The following KPNA3 variants were observed in gnomAD, a reference collection of about 807,000 sequenced individuals.
KPNA3 encodes the protein karyopherin subunit alpha 3.
A neutral mutation model predicts 73.8 loss-of-function variants in KPNA3; 13 were observed. The observed-to-expected ratio is 0.18, with a 90% CI of 0.11 to 0.28. The LOEUF (loss-of-function observed/expected upper bound fraction) is 0.28, where lower values mean the gene tolerates loss of function less well. Ranked by LOEUF, KPNA3 falls within the 10% of genes least tolerant of loss-of-function variation. KPNA3 has a pLI of 1.00. For synonymous variants in KPNA3, 186 were observed against 206.9 expected (o/e 0.90, Z 0.87); for missense variants, 360 against 618.1 (o/e 0.58, Z 4.43).
Position 49,732,376 on chromosome 13 carries a change from A to T in KPNA3, c.378T>A (p.Asp126Glu), listed in dbSNP as rs750807231. 2.8e-5 allele frequency: 42 copies of T among 1,518,884 alleles called. No individual in the cohort carries two copies. Among genetic ancestry groups the T allele is most frequent in the Non-Finnish European group, 3.7e-5 (41 of 1,106,852 alleles). 94.1% of individuals were successfully genotyped at this position (1,518,884 alleles called of 1,614,324 possible). The part of the protein sequence containing the change: ...LPILVKCLER[D>E]DNPSLQFEAA... ...GGAGTAAAATCCATACTTACTTATC[A>T]TCCCTTTCTAGACATTTGACTAGAA... is the stretch of plus-strand genomic sequence containing the variant. The change falls in exon 6 of 17, where the codon GAT (aspartate) becomes GAA (glutamate). Residue 126 changes from aspartate to glutamate, a missense_variant. Physicochemically the swap from Asp to Glu is conservative, Grantham distance 45. Around this residue, in one of 3 missense-constraint regions of KPNA3, gnomAD observed 287 missense variants for 549.1 expected, o/e 0.52. Transcript: ENST00000261667.
At chr13:49,771,780 A>G (rs1954858115) in intron 1 of KPNA3, among the ~76,000 whole-genome samples, 1 of 152,160 alleles carries the variant, frequency 6.6e-6, no homozygotes, top group African/African-American at 2.4e-5. Flanking sequence ...TAGCCTCTAG[A>G]GTAGCTGGGA....
intron 1 of KPNA3, among the ~76,000 whole-genome samples, chr13:49,764,164 C>CTCTT (rs10689203): frequency 0.84 from 127,287 of 150,660 alleles, 54,003 homozygotes; most frequent in East Asian, 1. Context: ...CAGAATCTCG[C>CTCTT]TCTGTTTTTG....
At chr13:49,756,231 G>A (rs1165686662) in intron 1 of KPNA3, among the ~76,000 whole-genome samples, 2 of 152,180 alleles carry the variant, frequency 1.3e-5, no homozygotes, top group South Asian at 4.1e-4. Flanking sequence ...TGGAGACTGT[G>A]CCACTGCACT....
chr13:49,780,719 CTTTTTTTT>C (rs11352434), intron 1 of KPNA3, among the ~76,000 whole-genome samples: 2 of 130,472 alleles, frequency 1.5e-5, no homozygotes, highest in Non-Finnish European at 1.6e-5. Flanking sequence ...AAAAATATTT[CTTTTTTTT>C]TTTTTTTTTT....
intron 1 of KPNA3, among the ~76,000 whole-genome samples, chr13:49,790,165 G>A (rs928466005): frequency 1.4e-4 from 22 of 152,202 alleles, no homozygotes; most frequent in African/African-American, 5.1e-4. Flanking sequence ...AGCACACTGA[G>A]GTTTTTTATC....
At chr13:49,782,321 T>C (rs2137604790) in intron 1 of KPNA3, among the ~76,000 whole-genome samples, 2 of 152,340 alleles carry the variant, frequency 1.3e-5, no homozygotes, top group East Asian at 3.9e-4. Flanking sequence ...TTTTTCTTTC[T>C]GAGTTGGCAA....
intron 2 of KPNA3, 54 bp from the exon 3 acceptor site, chr13:49,733,100 A>T: frequency 9.4e-7 from 1 of 1,068,382 alleles, no homozygotes; most frequent in Non-Finnish European, 1.4e-6. Flanking sequence ...TGTTAATGAA[A>T]AATCCATTAA....
intron 1 of KPNA3, among the ~76,000 whole-genome samples, chr13:49,749,733 G>T (rs1954646768): frequency 6.6e-6 from 1 of 152,082 alleles, no homozygotes; most frequent in Admixed American, 6.5e-5. Context: ...CTCACTAGTA[G>T]CAAAACTTCA....
intron 1 of KPNA3, among the ~76,000 whole-genome samples, chr13:49,772,401 A>C (rs1954862809): frequency 6.6e-6 from 1 of 152,256 alleles, no homozygotes; most frequent in Non-Finnish European, 1.5e-5. Flanking sequence ...GAAAATTTAA[A>C]AGACTGGCAA....
intron 1 of KPNA3, among the ~76,000 whole-genome samples, chr13:49,762,738 A>G (rs1954778031): frequency 6.6e-6 from 1 of 151,994 alleles, no homozygotes; most frequent in East Asian, 1.9e-4. Context: ...GGTAGGCCGC[A>G]GGGTCCTCTG....
intron 6 of KPNA3, among the ~76,000 whole-genome samples, chr13:49,725,714 A>T (rs181744575): frequency 2.6e-4 from 39 of 149,060 alleles, no homozygotes; most frequent in Admixed American, 2.6e-3. Context: ...CGCCATCTTG[A>T]CTCATTGCAA....
intron 1 of KPNA3, among the ~76,000 whole-genome samples, chr13:49,757,546 T>C (rs1954722053): frequency 1.3e-5 from 2 of 152,340 alleles, no homozygotes; most frequent in South Asian, 4.1e-4. Flanking sequence ...TTTCAAATGC[T>C]GGTGAGTATG....
intron 1 of KPNA3, 36 bp downstream of exon 1, chr13:49,792,402 C>T (rs1204164452): frequency 9.5e-6 from 14 of 1,478,670 alleles, no homozygotes; most frequent in Non-Finnish European, 1.3e-5. Flanking sequence ...CGGGCCGGCG[C>T]GGCCAGGCGG....
intron 1 of KPNA3, among the ~76,000 whole-genome samples, chr13:49,769,909 ATT>A (rs1555307656): frequency 6.6e-6 from 1 of 152,130 alleles, no homozygotes; most frequent in Non-Finnish European, 1.5e-5. Context: ...CAATGCTATT[ATT>A]TGTTTGATTT....
intron 2 of KPNA3, among the ~76,000 whole-genome samples, chr13:49,737,317 C>T (rs1954530994): frequency 6.6e-6 from 1 of 152,192 alleles, no homozygotes; most frequent in Non-Finnish European, 1.5e-5. Context: ...ATTTCCACCA[C>T]TAACATGAGT....
At chr13:49,786,994 A>G (rs887802764) in intron 1 of KPNA3, among the ~76,000 whole-genome samples, 1 of 152,210 alleles carries the variant, frequency 6.6e-6, no homozygotes, top group African/African-American at 2.4e-5. Flanking sequence ...AGGTACAAAC[A>G]TGAGGGTTCT....
intron 9 of KPNA3, among the ~76,000 whole-genome samples, chr13:49,720,991 A>G (rs545625611): frequency 6.6e-6 from 1 of 152,092 alleles, no homozygotes; most frequent in Admixed American, 6.5e-5. Flanking sequence ...TACTGAGGTG[A>G]GCAGATCACT....
intron 2 of KPNA3, among the ~76,000 whole-genome samples, chr13:49,737,459 T>C (rs1954532332): frequency 6.6e-6 from 1 of 152,228 alleles, no homozygotes; most frequent in Non-Finnish European, 1.5e-5. Context: ...CATCTTTTCA[T>C]GTGCTTATTT....
chr13:49,785,167 C>A (rs61961485), intron 1 of KPNA3, among the ~76,000 whole-genome samples: 29,422 of 151,964 alleles, frequency 0.19, 3,390 homozygotes, highest in Middle Eastern at 0.27. Flanking sequence ...AAGGCTGAAT[C>A]TGGAGAAATA....
Sources: gnomAD v4.1 joint callset for allele counts (sites outside exome capture counted in the v4.1 genomes callset) on GRCh38, gnomAD v4.1.1 for gene constraint, gnomAD v4.1.1 regional missense constraint, MANE v1.5 for transcripts, NCBI Gene and HGNC (gene_info 2026-07-23, HGNC 2026-07-21) for gene names.